Variants in PTBP2 observed in about 807,000 individuals in gnomAD.
PTBP2 encodes the protein polypyrimidine tract binding protein 2, also known as polypyrimidine tract-binding protein 2.
Under a neutral mutation model 61.4 loss-of-function variants are expected in PTBP2, and 13 were observed. The observed-to-expected ratio is 0.21, with a 90% CI of 0.14 to 0.34. The LOEUF (loss-of-function observed/expected upper bound fraction) is 0.34, where lower values mean the gene tolerates loss of function less well. PTBP2 is among the 10% of genes least tolerant of loss of function. The probability of loss-of-function intolerance (pLI) is 1.00; values close to 1 mark genes in which losing one functional copy is unlikely to be tolerated. For synonymous variants in PTBP2, 215 were observed against 218.5 expected (o/e 0.98, Z 0.14); for missense variants, 405 against 642.6 (o/e 0.63, Z 4.00).
At chr1:96,726,150 T>G (rs1650462879) in intron 2 of PTBP2, among the ~76,000 whole-genome samples, 1 of 147,860 alleles carries the variant, frequency 6.8e-6, no homozygotes, top group African/African-American at 2.5e-5. Flanking sequence ...ATTTCTTAGG[T>G]GTAGGTAATT....
intron 2 of PTBP2, among the ~76,000 whole-genome samples, chr1:96,730,637 A>C (rs747996421): frequency 3.3e-5 from 5 of 152,212 alleles, no homozygotes; most frequent in Non-Finnish European, 7.3e-5. Flanking sequence ...TATTCACTGA[A>C]TACTCTGATG....
At chr1:96,727,059 T>C (rs1650661720) in intron 2 of PTBP2, among the ~76,000 whole-genome samples, 1 of 152,186 alleles carries the variant, frequency 6.6e-6, no homozygotes, top group Admixed American at 6.5e-5. Context: ...TAGTCCCTCC[T>C]TTCTGCTTTT....
chr1:96,776,814 T>C (rs1357038938), intron 5 of PTBP2, among the ~76,000 whole-genome samples: 4 of 151,532 alleles, frequency 2.6e-5, no homozygotes, highest in African/African-American at 7.3e-5. Context: ...CTACAAATAC[T>C]GTGTTTATTC....
chr1:96,773,894 C>T (rs1182930547), intron 5 of PTBP2, among the ~76,000 whole-genome samples: 2 of 146,520 alleles, frequency 1.4e-5, no homozygotes, highest in Non-Finnish European at 1.5e-5. Context: ...ACCCAGGAGG[C>T]GGAGCTTGCA....
chr1:96,808,389 CCT>C (rs1571028535), intron 11 of PTBP2, among the ~76,000 whole-genome samples: 1 of 152,068 alleles, frequency 6.6e-6, no homozygotes, highest in East Asian at 1.9e-4. Flanking sequence ...CCATCTTCCC[CCT>C]GTGTCCTCAT....
intron 5 of PTBP2, among the ~76,000 whole-genome samples, chr1:96,774,384 C>T (rs1005521849): frequency 2.0e-5 from 3 of 152,100 alleles, no homozygotes; most frequent in Non-Finnish European, 2.9e-5. Context: ...CCATTTGGTT[C>T]CATTCATTTT....
At chr1:96,730,755 A>G (rs1651287395) in intron 2 of PTBP2, among the ~76,000 whole-genome samples, 1 of 152,132 alleles carries the variant, frequency 6.6e-6, no homozygotes, top group Non-Finnish European at 1.5e-5. Context: ...GCTCTTTCAC[A>G]ATTAAAGTAG....
At chr1:96,801,334 T>C (rs1323771317) in intron 8 of PTBP2, among the ~76,000 whole-genome samples, 1 of 152,146 alleles carries the variant, frequency 6.6e-6, no homozygotes, top group Non-Finnish European at 1.5e-5. Flanking sequence ...AATTCCTTAG[T>C]AATTTTTGAG....
chr1:96,819,553 A>G (rs1158820008), downstream of PTBP2: 1 of 152,008 alleles, frequency 6.6e-6, no homozygotes, highest in African/African-American at 2.4e-5. Flanking sequence ...TTTTATAACC[A>G]TAATCAACCA....
At chr1:96,751,363 C>CT (rs1654515000) in intron 2 of PTBP2, 62 bp from the exon 3 acceptor site, 8 of 1,255,730 alleles carry the variant, frequency 6.4e-6, no homozygotes, top group Non-Finnish European at 9.3e-6. Context: ...AAGTGAAAGG[C>CT]TTTTAGATTA....
intron 2 of PTBP2, among the ~76,000 whole-genome samples, chr1:96,734,903 CTT>C (rs369053938): frequency 0.035 from 4,329 of 124,874 alleles, 232 homozygotes; most frequent in African/African-American, 0.13. Flanking sequence ...CTTTTTTTTT[CTT>C]TTTTTTTTTT....
At chr1:96,750,467 A>T (rs1247754131) in intron 2 of PTBP2, among the ~76,000 whole-genome samples, 1 of 151,782 alleles carries the variant, frequency 6.6e-6, no homozygotes, top group Non-Finnish European at 1.5e-5. Flanking sequence ...CAACCTATGG[A>T]TATCTGTTTA....
At chr1:96,749,836 G>C (rs1444933458) in intron 2 of PTBP2, 25 of 291,888 alleles carry the variant, frequency 8.6e-5, no homozygotes, top group South Asian at 7.3e-4. Context: ...CTGTGATGTA[G>C]ATGTTATCCC....
chr1:96,755,412 A>G (rs1399906878), intron 3 of PTBP2, among the ~76,000 whole-genome samples: 1 of 152,222 alleles, frequency 6.6e-6, no homozygotes, highest in East Asian at 1.9e-4. Context: ...ATGGGAATGT[A>G]AAATCGTAGT....
chr1:96,780,274 C>T (rs914029448), intron 7 of PTBP2, among the ~76,000 whole-genome samples: 1 of 151,938 alleles, frequency 6.6e-6, no homozygotes, highest in African/African-American at 2.4e-5. Context: ...TTCAAGCATT[C>T]TCAGCTTCTT....
chr1:96,816,183 T>A (rs1662473717), downstream of PTBP2: 1 of 152,196 alleles, frequency 6.6e-6, no homozygotes, highest in African/African-American at 2.4e-5. Flanking sequence ...GATTCTATAC[T>A]GTCTTACAGT....
At chr1:96,791,838 T>TTTTTTTTTTTTTTTTTTTTG (rs1659862631) in intron 8 of PTBP2, among the ~76,000 whole-genome samples, 1 of 137,628 alleles carries the variant, frequency 7.3e-6, no homozygotes, top group Non-Finnish European at 1.6e-5. Flanking sequence ...TTTTTTTTTT[T>TTTTTTTTTTTTTTTTTTTTG]TTTTTTTTTT....
chr1:96,799,196 A>G (rs1466216475), intron 8 of PTBP2, among the ~76,000 whole-genome samples: 5 of 152,134 alleles, frequency 3.3e-5, no homozygotes, highest in Non-Finnish European at 7.3e-5. Flanking sequence ...TTCACATGAA[A>G]AAGATTCCTG....
intron 8 of PTBP2, among the ~76,000 whole-genome samples, chr1:96,788,020 T>C (rs12077992): frequency 0.016 from 2,495 of 152,304 alleles, 78 homozygotes; most frequent in African/African-American, 0.057. Context: ...ACATTAATTA[T>C]ATATGAGGCT....
Sources: gnomAD v4.1 joint callset for allele counts (sites outside exome capture counted in the v4.1 genomes callset) on GRCh38, gnomAD v4.1.1 for gene constraint, MANE v1.5 for transcripts, NCBI Gene and HGNC (gene_info 2026-07-23, HGNC 2026-07-21) for gene names.